The following NME9 variants were observed in gnomAD, a reference collection of about 807,000 sequenced individuals.
NME9 encodes the protein thioredoxin domain-containing protein 6.
In NME9, 48 loss-of-function variants were observed where a neutral mutation model predicts 44.4. The observed-to-expected ratio is 1.08, with a 90% CI of 0.86 to 1.37. The LOEUF is 1.37. Ranked by LOEUF, NME9 falls within the 40% of genes most tolerant of loss-of-function variation. The pLI is 0.00. For synonymous variants in NME9, 139 were observed against 147.1 expected (o/e 0.94, Z 0.40); for missense variants, 325 against 405.2 (o/e 0.80, Z 1.70).
chr3:138,277,925 G>T (rs1360684175), intron 8 of NME9, among the ~76,000 whole-genome samples: 1 of 152,056 alleles, frequency 6.6e-6, no homozygotes, highest in African/African-American at 2.4e-5. Context: ...CAATAAAGAG[G>T]GACAAACTGT....
intron 8 of NME9, chr3:138,270,185 T>G: frequency 7.6e-7 from 1 of 1,316,332 alleles, no homozygotes; most frequent in Non-Finnish European, 1.1e-6. Flanking sequence ...ACAGCTATTG[T>G]CTAAGTTAGA....
intron 8 of NME9, chr3:138,263,697 C>T (rs774873142): frequency 6.7e-7 from 1 of 1,482,402 alleles, no homozygotes; most frequent in Admixed American, 1.7e-5. Flanking sequence ...AAGTTTGTCA[C>T]CTTCATGTTG....
At chr3:138,271,749 GCAA>G (rs1488831262) in intron 8 of NME9, among the ~76,000 whole-genome samples, 1 of 151,180 alleles carries the variant, frequency 6.6e-6, no homozygotes, top group African/African-American at 2.4e-5. Flanking sequence ...TTCCTGGAGG[GCAA>G]CAACCACATA....
At chr3:138,323,323 G>A (rs1457423166) in intron 2 of NME9, among the ~76,000 whole-genome samples, 1 of 152,216 alleles carries the variant, frequency 6.6e-6, no homozygotes, top group African/African-American at 2.4e-5. Flanking sequence ...GGCTGAGGCA[G>A]GAGAATCGCT....
intron 8 of NME9, among the ~76,000 whole-genome samples, chr3:138,295,511 AAAAGT>A (rs1358231682): frequency 1.3e-5 from 2 of 152,234 alleles, no homozygotes; most frequent in Non-Finnish European, 2.9e-5. Context: ...GGCAGTAAGA[AAAAGT>A]AAAGAATGTA....
chr3:138,291,279 A>C (rs1188096050), intron 8 of NME9, among the ~76,000 whole-genome samples: 1 of 152,178 alleles, frequency 6.6e-6, no homozygotes, highest in Admixed American at 6.5e-5. Flanking sequence ...TTCAGCCCTT[A>C]ATGGTCTGGC....
At chr3:138,288,324 C>T (rs191635435) in intron 8 of NME9, among the ~76,000 whole-genome samples, 1 of 152,310 alleles carries the variant, frequency 6.6e-6, no homozygotes, top group Admixed American at 6.5e-5. Context: ...CACATCCACC[C>T]AGTGTATGTT....
rs546974462 is a variant in NME9 at position 138,283,536 on chromosome 3, G to T, written c.745+19971C>A. 6.7e-4 allele frequency among the ~76,000 whole-genome samples: 102 copies of T among 151,476 alleles called. 1 individual carries two copies. The highest frequency in any genetic ancestry group is 2.4e-3 in the African/African-American group (99 of 41,288). ...TGACAGCTTCAAAGTCAGGGAGTGTGTTTTTTTTTCCTGCCTCATCCTGAT... is the reference window on the plus strand; with the variant it reads ...TGACAGCTTCAAAGTCAGGGAGTGTTTTTTTTTTTCCTGCCTCATCCTGAT... On this transcript the variant is annotated intron_variant, in intron 8 of 8. Coordinates refer to the NME9 transcript ENST00000317876.
intron 8 of NME9, among the ~76,000 whole-genome samples, chr3:138,285,092 C>T (rs571925178): frequency 6.6e-6 from 1 of 152,344 alleles, no homozygotes; most frequent in East Asian, 1.9e-4. Context: ...TCTTCTCTAT[C>T]CCTGCCATGT....
intron 6 of NME9, among the ~76,000 whole-genome samples, chr3:138,313,684 A>C (rs556048960): frequency 1.3e-5 from 2 of 152,224 alleles, no homozygotes; most frequent in Non-Finnish European, 2.9e-5. Context: ...TGGATGAATA[A>C]AGAAAATGTG....
chr3:138,311,774 A>G (rs748507535), intron 6 of NME9, among the ~76,000 whole-genome samples: 12 of 152,206 alleles, frequency 7.9e-5, no homozygotes, highest in Non-Finnish European at 1.6e-4. Context: ...ACAAACCCAC[A>G]GCCAGCATCA....
chr3:138,308,810 G>C (rs1471575688), intron 6 of NME9, among the ~76,000 whole-genome samples: 1 of 152,084 alleles, frequency 6.6e-6, no homozygotes, highest in Admixed American at 6.5e-5. Flanking sequence ...CAGTATGTTT[G>C]AAGTCAAGTG....
chr3:138,286,951 CA>C (rs2050487844), intron 8 of NME9, among the ~76,000 whole-genome samples: 1 of 152,210 alleles, frequency 6.6e-6, no homozygotes, highest in Non-Finnish European at 1.5e-5. Context: ...CTCATTCACT[CA>C]ATTTATCAAC....
At chr3:138,272,879 TAAAA>T (rs1394576770) in intron 8 of NME9, 1 of 1,191,518 alleles carries the variant, frequency 8.4e-7, no homozygotes, top group Admixed American at 3.4e-5. Context: ...CTCAAAAAAA[TAAAA>T]AAAAATTACC....
chr3:138,326,248 C>A (rs890079668), intron 1 of NME9, among the ~76,000 whole-genome samples: 2 of 152,164 alleles, frequency 1.3e-5, no homozygotes, highest in Non-Finnish European at 2.9e-5. Context: ...TCTCACTACT[C>A]CCTAGCAGAT....
chr3:138,310,649 A>G (rs2052630102), intron 6 of NME9, among the ~76,000 whole-genome samples: 1 of 152,208 alleles, frequency 6.6e-6, no homozygotes, highest in African/African-American at 2.4e-5. Context: ...ATTAGACAAC[A>G]TACTCATGAA....
chr3:138,315,207 T>C (rs935405844), intron 5 of NME9, among the ~76,000 whole-genome samples: 2 of 152,168 alleles, frequency 1.3e-5, no homozygotes, highest in African/African-American at 2.4e-5. Flanking sequence ...GAGCCCAGGA[T>C]AGCTGACTTC....
At position 138,319,549 on chromosome 3, in the gene NME9, A is replaced by G. The variant is rs778873482; in HGVS notation, c.124T>C (p.Cys42Arg). Residue 42 changes from cysteine to arginine, a missense_variant, in exon 3 of 11, where the codon TGC becomes CGC. Physicochemically the swap from Cys to Arg is radical, Grantham distance 180 (BLOSUM62 -3). Coordinates refer to ENST00000333911, the MANE Select transcript of NME9 (RefSeq NM_001349018.2). ...TGGAAGAGGCTCACCACAGGTTTGC[A>G]GGGGCCACACCAGCCTTGATAGACA... is the stretch of plus-strand genomic sequence containing the variant. ...VDVYQGWCGP[C>R]KPVVSLFQKM... 1 of 1,613,460 alleles carries G rather than the reference A, an allele frequency of 6.2e-7. No homozygotes were observed. Among genetic ancestry groups the G allele is most frequent in the African/African-American group, 1.3e-5 (1 of 75,030 alleles).
intron 2 of NME9, among the ~76,000 whole-genome samples, chr3:138,321,444 A>T (rs1337127572): frequency 6.6e-6 from 1 of 152,224 alleles, no homozygotes; most frequent in East Asian, 1.9e-4. Flanking sequence ...AATGCCACTC[A>T]TGAAGGGCAC....
Sources: allele counts gnomAD v4.1 joint callset (sites outside exome capture counted in the v4.1 genomes callset), GRCh38; gene constraint gnomAD v4.1.1; transcripts MANE v1.5; gene names NCBI Gene and HGNC (gene_info 2026-07-23, HGNC 2026-07-21).